COG6: variants seen among roughly 807,000 people sequenced by gnomAD.
The protein encoded by COG6 is conserved oligomeric Golgi complex subunit 6.
COG6 carries 74 observed loss-of-function variants against 88.8 expected under a neutral mutation model. That is an observed-to-expected ratio of 0.83 (90% CI 0.69 to 1.01). The LOEUF (loss-of-function observed/expected upper bound fraction) is 1.01, where lower values mean the gene tolerates loss of function less well. Ranked by LOEUF, COG6 falls within the 50% of genes least tolerant of loss-of-function variation. The pLI is 0.00. For synonymous variants in COG6, 286 were observed against 278.7 expected (o/e 1.03, Z -0.26); for missense variants, 800 against 797.9 (o/e 1.00, Z -0.03).
intron 18 of COG6, among the ~76,000 whole-genome samples, chr13:39,779,165 G>A (rs547659812): frequency 6.6e-6 from 1 of 152,128 alleles, no homozygotes; most frequent in Non-Finnish European, 1.5e-5. Flanking sequence ...AATGACATTA[G>A]TATCTGCTTT....
chr13:39,773,383 CAAAG>C (rs775324945), intron 18 of COG6, among the ~76,000 whole-genome samples: 4 of 152,160 alleles, frequency 2.6e-5, no homozygotes, highest in Non-Finnish European at 5.9e-5. Flanking sequence ...AGACTCCTGA[CAAAG>C]AGAAAGATAA....
intron 18 of COG6, among the ~76,000 whole-genome samples, chr13:39,758,587 G>A (rs1436888813): frequency 1.3e-5 from 2 of 152,170 alleles, no homozygotes; most frequent in East Asian, 3.8e-4. Context: ...AGTAATTTTA[G>A]AAGCTGGTAT....
intron 3 of COG6, among the ~76,000 whole-genome samples, chr13:39,661,265 T>TA (rs1188058881): frequency 6.6e-6 from 1 of 152,166 alleles, no homozygotes; most frequent in Non-Finnish European, 1.5e-5. Context: ...TGCATAACCT[T>TA]AAAAAATTCT....
At chr13:39,771,044 C>T (rs544445652) in intron 18 of COG6, among the ~76,000 whole-genome samples, 107 of 152,210 alleles carry the variant, frequency 7.0e-4, no homozygotes, top group African/African-American at 2.4e-3. Flanking sequence ...TTAGCTGCTC[C>T]TCATGTCATG....
intron 18 of COG6, among the ~76,000 whole-genome samples, chr13:39,736,545 G>A (rs750559612): frequency 6.6e-6 from 1 of 152,064 alleles, no homozygotes; most frequent in Non-Finnish European, 1.5e-5. Context: ...TACAAAATTA[G>A]CCAGGCATAG....
chr13:39,761,350 C>G (rs1881005167), intron 18 of COG6, among the ~76,000 whole-genome samples: 1 of 151,868 alleles, frequency 6.6e-6, no homozygotes, highest in African/African-American at 2.4e-5. Flanking sequence ...CAGTTGCAAA[C>G]TGATATTCAT....
rs754027764 is a variant in COG6, at chr13:39,655,704, C to CA, written c.-22dup. 4.0e-6 allele frequency: 6 copies of CA among 1,516,482 alleles called. No homozygotes were observed. The highest frequency in any genetic ancestry group is 5.3e-6 in the Non-Finnish European group (6 of 1,125,680). 93.9% of individuals were successfully genotyped at this position (1,516,482 alleles called of 1,614,324 possible). A position where few individuals can be genotyped will look rare whatever the true frequency, so the allele number is the denominator to read the frequency against. On this transcript the variant is annotated 5_prime_UTR_variant, in exon 1 of 19. Coordinates refer to ENST00000455146, the MANE Select transcript of COG6 (RefSeq NM_020751.3). ...GGTCCCTGCCTGGCTGAGGTGGCAG[C>CA]AGGGGGCGGGACGCGCAGCGCTATG...
At chr13:39,707,107 A>G (rs931142966) in intron 13 of COG6, among the ~76,000 whole-genome samples, 1 of 152,032 alleles carries the variant, frequency 6.6e-6, no homozygotes, top group Non-Finnish European at 1.5e-5. Flanking sequence ...AATAATATAA[A>G]GAAGAAGAAG....
Position 39,665,107 on chromosome 13 carries a change from A to C in COG6, c.381A>C (p.Glu127Asp), listed in dbSNP as rs1325218669. 6.7e-7 allele frequency: 1 copy of C among 1,482,524 alleles called. No individual in the cohort carries two copies. Among genetic ancestry groups the C allele is most frequent in the South Asian group, 1.1e-5 (1 of 87,698 alleles). The allele number at this position is 1,482,524 out of a possible 1,614,324, so 91.8% of individuals were successfully genotyped here. The change falls in exon 4 of 19, where the codon GAA (glutamate) becomes GAC (aspartate). Residue 127 changes from glutamate to aspartate, a missense_variant. Transcript: ENST00000455146. ...DMTSRLQAAKEQTQDLIVKTT... is the reference protein window; with the variant it reads ...DMTSRLQAAKDQTQDLIVKTT... ...GTTTATAATTTTAGGCAGCAAAGGAACAGACTCAAGATTTAATAGTAAAAA... is the reference window on the plus strand; with the variant it reads ...GTTTATAATTTTAGGCAGCAAAGGACCAGACTCAAGATTTAATAGTAAAAA...
intron 2 of COG6, among the ~76,000 whole-genome samples, chr13:39,660,312 C>T (rs1315833044): frequency 1.3e-5 from 2 of 152,150 alleles, no homozygotes; most frequent in African/African-American, 4.8e-5. Context: ...TCTCCCACCT[C>T]AGTTTCCCAA....
chr13:39,759,528 A>G (rs927764491), intron 18 of COG6, among the ~76,000 whole-genome samples: 2 of 152,186 alleles, frequency 1.3e-5, no homozygotes, highest in Non-Finnish European at 2.9e-5. Flanking sequence ...TGCTGTTTAG[A>G]ATAATAAATA....
Position 39,655,879 on chromosome 13 carries a change from G to A in COG6, c.153G>A (p.Lys51=). ...KILETRLDND[K]EMLEALKALS... is the part of the protein sequence containing the mutation. Reference sequence around the variant, plus strand: ...TGGAGACGCGGCTGGACAACGACAAGGTAACCGGGGCTGGCGGGGCCGGAG... The same window carrying A: ...TGGAGACGCGGCTGGACAACGACAAAGTAACCGGGGCTGGCGGGGCCGGAG... Residue 51 remains lysine (K), a splice_region_variant and synonymous_variant, in exon 1 of 19, where the codon AAG becomes AAA. Transcript: ENST00000455146. 6.2e-7 allele frequency: 1 copy of A among 1,606,492 alleles called. No individual in the cohort carries two copies. Among genetic ancestry groups the A allele is most frequent in the African/African-American group, 1.3e-5 (1 of 74,890 alleles).
chr13:39,739,312 T>G (rs962942683), intron 18 of COG6, among the ~76,000 whole-genome samples: 3 of 151,978 alleles, frequency 2.0e-5, no homozygotes, highest in African/African-American at 7.2e-5. Context: ...TACAAGAGTG[T>G]CAGTTTAGAT....
chr13:39,661,000 T>C (rs1364700328), intron 3 of COG6, 119 bp downstream of exon 3: 2 of 669,006 alleles, frequency 3.0e-6, no homozygotes, highest in East Asian at 5.4e-5. Flanking sequence ...GGTATAAATA[T>C]AATCCTTATT....
intron 18 of COG6, among the ~76,000 whole-genome samples, chr13:39,730,504 T>C (rs1879374947): frequency 6.6e-6 from 1 of 151,884 alleles, no homozygotes. Flanking sequence ...GGCGTGGTGG[T>C]TCACTGAATG....
intron 18 of COG6, among the ~76,000 whole-genome samples, chr13:39,730,534 G>A (rs185849541): frequency 4.5e-4 from 69 of 151,964 alleles, no homozygotes; most frequent in African/African-American, 1.3e-3. Context: ...CCAGCACTTT[G>A]GGAGGTCGAG....
chr13:39,769,989 C>T (rs916562872), intron 18 of COG6, among the ~76,000 whole-genome samples: 4 of 152,124 alleles, frequency 2.6e-5, no homozygotes, highest in Non-Finnish European at 4.4e-5. Flanking sequence ...TTAAGCAGCC[C>T]GAACTAACTA....
Position 39,660,889 on chromosome 13 carries a change from A to G in COG6, c.369+8A>G, listed in dbSNP as rs762018990. 7 of 1,543,952 alleles carry G rather than the reference A, an allele frequency of 4.5e-6. No individual in the cohort carries two copies. The highest frequency in any genetic ancestry group is 1.7e-5 in the Admixed American group (1 of 59,934). On this transcript the variant is annotated splice_region_variant and intron_variant, in intron 3 of 18. Coordinates refer to ENST00000455146, the MANE Select transcript of COG6 (RefSeq NM_020751.3). ...ATGACAAGTCGCCTACAGGTATTATATAATGGCTAGATTTTGGCATAGTTC... is the reference window on the plus strand; with the variant it reads ...ATGACAAGTCGCCTACAGGTATTATGTAATGGCTAGATTTTGGCATAGTTC...
intron 15 of COG6, among the ~76,000 whole-genome samples, chr13:39,721,368 C>T (rs1252077558): frequency 6.6e-6 from 1 of 152,110 alleles, no homozygotes; most frequent in Non-Finnish European, 1.5e-5. Flanking sequence ...TTTTAACATT[C>T]TCCAGAAATC....
Sources: gnomAD v4.1 joint callset for allele counts (sites outside exome capture counted in the v4.1 genomes callset) on GRCh38, gnomAD v4.1.1 for gene constraint, MANE v1.5 for transcripts, NCBI Gene and HGNC (gene_info 2026-07-23, HGNC 2026-07-21) for gene names.